Variants in DYM observed in about 807,000 individuals in gnomAD.
DYM encodes dymeclin.
DYM carries 78 observed loss-of-function variants against 93.1 expected under a neutral mutation model. The observed-to-expected ratio is 0.84, with a 90% CI of 0.70 to 1.01. The LOEUF (loss-of-function observed/expected upper bound fraction) is 1.01. Ranked by LOEUF, DYM falls within the 50% of genes least tolerant of loss-of-function variation. The probability of loss-of-function intolerance (pLI) is 0.00; values close to 1 mark genes in which losing one functional copy is unlikely to be tolerated. For missense variants in DYM, 789 were observed against 845.0 expected, an observed-to-expected ratio of 0.93 and a Z score of 0.82; for synonymous variants, 321 against 319.7, an observed-to-expected ratio of 1.00 and a Z score of -0.04.
intron 1 of DYM, among the ~76,000 whole-genome samples, chr18:49,442,768 G>A (rs529689013): frequency 1.6e-4 from 25 of 152,008 alleles, no homozygotes; most frequent in African/African-American, 3.4e-4. Context: ...AAACTATGGC[G>A]TGGTACTTTT....
chr18:49,365,852 G>A (rs1292943518), intron 5 of DYM, among the ~76,000 whole-genome samples: 2 of 152,072 alleles, frequency 1.3e-5, no homozygotes, highest in Admixed American at 6.5e-5. Context: ...TTAAAATGAT[G>A]ACAAGGATTC....
At chr18:49,051,907 T>C (rs1432666092) in intron 17 of DYM, among the ~76,000 whole-genome samples, 3 of 152,358 alleles carry the variant, frequency 2.0e-5, no homozygotes, top group South Asian at 4.1e-4. Flanking sequence ...ACAGCCGTTA[T>C]TGGAAAACCT....
chr18:49,289,417 A>T (rs1364709612), intron 8 of DYM, among the ~76,000 whole-genome samples: 11 of 125,694 alleles, frequency 8.8e-5, no homozygotes, highest in African/African-American at 2.9e-4. Context: ...AAAAAAAAAA[A>T]AAAAAAAAAA....
chr18:49,269,449 C>T (rs1403537907), intron 11 of DYM, among the ~76,000 whole-genome samples: 1 of 152,160 alleles, frequency 6.6e-6, no homozygotes, highest in African/African-American at 2.4e-5. Flanking sequence ...CTCACAATTC[C>T]TCTTCTGGGC....
intron 8 of DYM, among the ~76,000 whole-genome samples, chr18:49,301,381 G>A (rs920892552): frequency 1.3e-5 from 2 of 151,874 alleles, no homozygotes; most frequent in East Asian, 1.9e-4. Context: ...ATTAGCCAGG[G>A]ATGGTGGTGG....
chr18:49,159,425 G>T (rs1031015466), intron 15 of DYM, among the ~76,000 whole-genome samples: 8 of 152,292 alleles, frequency 5.3e-5, no homozygotes, highest in African/African-American at 1.7e-4. Context: ...AGGTCTAAAA[G>T]ATTATTAATA....
chr18:49,274,191 C>A (rs1328777060), intron 10 of DYM, among the ~76,000 whole-genome samples: 1 of 150,864 alleles, frequency 6.6e-6, no homozygotes, highest in Non-Finnish European at 1.5e-5. Flanking sequence ...CCCAAAGGAA[C>A]CACTTTCTGT....
chr18:49,289,360 T>C (rs759928143), intron 8 of DYM, among the ~76,000 whole-genome samples: 2 of 121,242 alleles, frequency 1.6e-5, no homozygotes, highest in African/African-American at 6.7e-5. Flanking sequence ...GCAACATTCG[T>C]AACATGCATA....
At chr18:49,142,279 G>A (rs928400067) in intron 15 of DYM, among the ~76,000 whole-genome samples, 1 of 152,098 alleles carries the variant, frequency 6.6e-6, no homozygotes, top group African/African-American at 2.4e-5. Context: ...ATTAATTACA[G>A]TGTTGTGTTT....
In DYM at chr18:49,430,140, T is replaced by A. The variant is rs192145612; in HGVS notation, c.140+115A>T. On this transcript the variant is annotated intron_variant, in intron 2 of 17. Coordinates refer to ENST00000675505, the MANE Select transcript of DYM (RefSeq NM_001353214.3). ...TTTGGATTTTCTACTGATCTATGTATGACAGATAGACTAGATAGATAGACA... is the reference window on the plus strand; with the variant it reads ...TTTGGATTTTCTACTGATCTATGTAAGACAGATAGACTAGATAGATAGACA... 55 of 1,026,328 alleles carry A rather than the reference T, an allele frequency of 5.4e-5. No individual in the cohort carries two copies. In the African/African-American group the frequency reaches 8.3e-4, roughly 16 times the overall value. The allele number at this position is 1,026,328 out of a possible 1,614,324, so 63.6% of individuals were successfully genotyped here.
intron 15 of DYM, among the ~76,000 whole-genome samples, chr18:49,151,664 A>G (rs2085830955): frequency 6.6e-6 from 1 of 152,224 alleles, no homozygotes; most frequent in Non-Finnish European, 1.5e-5. Context: ...TTTACAAGCT[A>G]CATTATTTCC....
intron 5 of DYM, among the ~76,000 whole-genome samples, chr18:49,371,755 T>A (rs2067063847): frequency 6.6e-6 from 1 of 152,226 alleles, no homozygotes; most frequent in Middle Eastern, 3.2e-3. Context: ...CTTTGACTGA[T>A]TCTCAAACGC....
At chr18:49,416,129 C>G (rs1400611601) in intron 2 of DYM, among the ~76,000 whole-genome samples, 1 of 152,144 alleles carries the variant, frequency 6.6e-6, no homozygotes, top group African/African-American at 2.4e-5. Context: ...GACTAACTCT[C>G]AAGACAGAGT....
chr18:49,354,814 T>C (rs1482161750), intron 6 of DYM, among the ~76,000 whole-genome samples: 1 of 152,112 alleles, frequency 6.6e-6, no homozygotes, highest in African/African-American at 2.4e-5. Flanking sequence ...GGAACTCTCA[T>C]TCATTACTGG....
intron 4 of DYM, among the ~76,000 whole-genome samples, chr18:49,379,270 C>A (rs1226459645): frequency 6.6e-6 from 1 of 152,118 alleles, no homozygotes; most frequent in Admixed American, 6.5e-5. Flanking sequence ...AAAAAGTTAA[C>A]CTTCCATTGA....
intron 14 of DYM, among the ~76,000 whole-genome samples, chr18:49,185,725 T>G (rs1393248461): frequency 2.6e-5 from 4 of 152,240 alleles, no homozygotes; most frequent in Non-Finnish European, 4.4e-5. Context: ...CGTGTACACA[T>G]GGCCTCGTTT....
intron 2 of DYM, among the ~76,000 whole-genome samples, chr18:49,398,582 G>T (rs147283398): frequency 6.6e-6 from 1 of 152,174 alleles, no homozygotes; most frequent in African/African-American, 2.4e-5. Flanking sequence ...TTTGCAGAAA[G>T]AAAGACATAA....
chr18:49,389,925 C>T (rs1390411976), intron 3 of DYM, among the ~76,000 whole-genome samples: 1 of 151,804 alleles, frequency 6.6e-6, no homozygotes, highest in Non-Finnish European at 1.5e-5. Context: ...TTTTTAAAAA[C>T]CCAAAGTCAC....
intron 14 of DYM, among the ~76,000 whole-genome samples, chr18:49,202,472 A>C (rs2092086926): frequency 1.5e-5 from 2 of 137,382 alleles, no homozygotes; most frequent in African/African-American, 5.6e-5. Flanking sequence ...GGATGTGAGG[A>C]GCCCCTCTGC....
Sources: gnomAD v4.1 joint callset for allele counts (sites outside exome capture counted in the v4.1 genomes callset) on GRCh38, gnomAD v4.1.1 for gene constraint, MANE v1.5 for transcripts, NCBI Gene and HGNC (gene_info 2026-07-23, HGNC 2026-07-21) for gene names.